The following CPNE4 variants were observed in gnomAD, a reference collection of about 807,000 sequenced individuals.
CPNE4 encodes the protein copine-4.
A neutral mutation model predicts 67.9 loss-of-function variants in CPNE4; 25 were observed. The observed-to-expected ratio is 0.37, with a 90% CI of 0.27 to 0.51. CPNE4 has a LOEUF of 0.51. Ranked by LOEUF, CPNE4 falls within the 20% of genes least tolerant of loss-of-function variation. The probability of loss-of-function intolerance (pLI) is 0.93; values close to 1 mark genes in which losing one functional copy is unlikely to be tolerated. For synonymous variants in CPNE4, 242 were observed against 244.9 expected (o/e 0.99, Z 0.11); for missense variants, 464 against 690.8 (o/e 0.67, Z 3.68).
At chr3:131,580,325 G>A (rs1021229119) in intron 9 of CPNE4, among the ~76,000 whole-genome samples, 4 of 152,014 alleles carry the variant, frequency 2.6e-5, no homozygotes, top group African/African-American at 7.3e-5. Flanking sequence ...ATGAAAGAAT[G>A]TGTATGACTT....
At chr3:131,937,093 A>G (rs1424530348) in intron 1 of CPNE4, among the ~76,000 whole-genome samples, 2 of 152,188 alleles carry the variant, frequency 1.3e-5, no homozygotes, top group African/African-American at 4.8e-5. Flanking sequence ...AAACTAAATG[A>G]AAGCTAAATG....
intron 1 of CPNE4, among the ~76,000 whole-genome samples, chr3:131,910,348 G>C (rs906248757): frequency 6.6e-6 from 1 of 152,140 alleles, no homozygotes; most frequent in Non-Finnish European, 1.5e-5. Flanking sequence ...ACTGGCCTTA[G>C]TAACAACACT....
intron 2 of CPNE4, among the ~76,000 whole-genome samples, chr3:131,735,813 A>T (rs1247180367): frequency 2.0e-5 from 3 of 152,258 alleles, no homozygotes; most frequent in Non-Finnish European, 4.4e-5. Flanking sequence ...ATTAATAAAC[A>T]AATGAGACAC....
intron 2 of CPNE4, among the ~76,000 whole-genome samples, chr3:131,891,166 T>A (rs908405893): frequency 1.4e-4 from 22 of 151,938 alleles, no homozygotes; most frequent in South Asian, 1.0e-3. Context: ...ATATATATAT[T>A]TTTTATCTGG....
At position 131,641,599 on chromosome 3, in the gene CPNE4, G is replaced by A. The variant is rs530382517; in HGVS notation, c.681+28076C>T. On this transcript the variant is annotated intron_variant, in intron 7 of 15. Coordinates refer to ENST00000429747, the MANE Select transcript of CPNE4 (RefSeq NM_130808.3). ...ACTAGTACAATCACTCTGGAAAACG[G>A]TGTGGAGATTCCTTAAAGAACTAAA... Among the ~76,000 whole-genome samples, 7 of 152,302 alleles carry A rather than the reference G, an allele frequency of 4.6e-5. No individual in the cohort carries two copies. The South Asian group carries it at 1.5e-3, about 32-fold the overall frequency.
At position 131,702,906 on chromosome 3, in the gene CPNE4, G is replaced by T. The variant is rs912241436; in HGVS notation, c.361-2926C>A. 2.0e-5 allele frequency among the ~76,000 whole-genome samples: 3 copies of T among 152,184 alleles called. No homozygotes were observed. In the South Asian group the frequency reaches 6.2e-4, roughly 32 times the overall value. ...AGGAAATATCCCTTCTTAGGAAATG[G>T]GCATTTGGGTATACAAGTGGTGTTT... On this transcript the variant is annotated intron_variant, in intron 3 of 15. Coordinates refer to ENST00000429747, the MANE Select transcript of CPNE4 (RefSeq NM_130808.3).
At chr3:131,853,369 TTGTG>T (rs149096009) in intron 2 of CPNE4, among the ~76,000 whole-genome samples, 1 of 150,972 alleles carries the variant, frequency 6.6e-6, no homozygotes, top group African/African-American at 2.4e-5. Context: ...AACTCGATAC[TTGTG>T]TGTGTGTGTG....
At chr3:131,840,834 T>C (rs2085749948) in intron 2 of CPNE4, among the ~76,000 whole-genome samples, 1 of 152,188 alleles carries the variant, frequency 6.6e-6, no homozygotes, top group Non-Finnish European at 1.5e-5. Context: ...CCATTTATCT[T>C]GATGTGGGGC....
intron 1 of CPNE4, among the ~76,000 whole-genome samples, chr3:131,965,514 A>G (rs988192355): frequency 6.6e-6 from 1 of 152,236 alleles, no homozygotes; most frequent in Non-Finnish European, 1.5e-5. Flanking sequence ...GGCTCAAAAT[A>G]AAAGGATGGA....
intron 4 of CPNE4, among the ~76,000 whole-genome samples, chr3:131,698,487 A>G (rs1339526115): frequency 1.3e-5 from 2 of 151,998 alleles, no homozygotes; most frequent in Non-Finnish European, 2.9e-5. Context: ...TGAAGATGGC[A>G]GTCAAGAAAA....
chr3:131,790,209 A>T (rs989497599), intron 2 of CPNE4, among the ~76,000 whole-genome samples: 5 of 152,108 alleles, frequency 3.3e-5, no homozygotes, highest in Admixed American at 2.6e-4. Context: ...TATGGGACTT[A>T]TATACTTCTC....
chr3:131,948,038 T>C (rs2107877123), intron 1 of CPNE4, among the ~76,000 whole-genome samples: 1 of 142,402 alleles, frequency 7.0e-6, no homozygotes, highest in South Asian at 2.2e-4. Context: ...TTTCTATTTT[T>C]TAGGTCTTCT....
chr3:131,795,367 A>C (rs954063878), intron 2 of CPNE4, among the ~76,000 whole-genome samples: 1 of 152,196 alleles, frequency 6.6e-6, no homozygotes, highest in African/African-American at 2.4e-5. Flanking sequence ...CCTCTTGGCC[A>C]AGGGGACCTC....
intron 2 of CPNE4, among the ~76,000 whole-genome samples, chr3:131,758,593 T>C (rs1001999521): frequency 6.6e-6 from 1 of 152,136 alleles, no homozygotes; most frequent in African/African-American, 2.4e-5. Flanking sequence ...AGTTAAGATT[T>C]TGGGAGACTG....
intron 1 of CPNE4, among the ~76,000 whole-genome samples, chr3:131,921,059 C>T (rs936973800): frequency 5.9e-5 from 9 of 152,168 alleles, no homozygotes; most frequent in African/African-American, 2.2e-4. Flanking sequence ...CAACATTGCT[C>T]CCACACAGTT....
At chr3:131,676,458 T>G (rs370740050) in intron 6 of CPNE4, among the ~76,000 whole-genome samples, 3 of 152,116 alleles carry the variant, frequency 2.0e-5, no homozygotes, top group African/African-American at 7.2e-5. Context: ...GGGGGTTGGT[T>G]GTATAGATTA....
chr3:131,848,820 AG>A (rs1255676994), intron 2 of CPNE4, among the ~76,000 whole-genome samples: 1 of 151,950 alleles, frequency 6.6e-6, no homozygotes, highest in African/African-American at 2.4e-5. Flanking sequence ...AATAAGATGC[AG>A]GTGTTCTGAA....
chr3:131,799,924 T>TG (rs1424912040), intron 2 of CPNE4, among the ~76,000 whole-genome samples: 3 of 7,254 alleles, frequency 4.1e-4, no homozygotes, highest in African/African-American at 1.3e-3. Flanking sequence ...GTGTGTTGTG[T>TG]GTGTGTGTGT....
chr3:131,859,210 A>C (rs1171275059), intron 2 of CPNE4, among the ~76,000 whole-genome samples: 1 of 152,162 alleles, frequency 6.6e-6, no homozygotes, highest in Non-Finnish European at 1.5e-5. Context: ...CTGTTGGTTC[A>C]GTGTAATTAT....
Sources: allele counts gnomAD v4.1 joint callset (sites outside exome capture counted in the v4.1 genomes callset), GRCh38; gene constraint gnomAD v4.1.1; transcripts MANE v1.5; gene names NCBI Gene and HGNC (gene_info 2026-07-23, HGNC 2026-07-21).